Variants in FANCC observed in about 807,000 individuals in gnomAD.
The protein encoded by FANCC is Fanconi anemia group C protein.
In FANCC, 55 loss-of-function variants were observed where a neutral mutation model predicts 71.3. That is an observed-to-expected ratio of 0.77 (90% CI 0.62 to 0.97). The LOEUF (loss-of-function observed/expected upper bound fraction) is 0.97, where lower values mean the gene tolerates loss of function less well. FANCC is among the 50% of genes least tolerant of loss of function. The pLI is 0.00. For missense variants in FANCC, 678 were observed against 670.9 expected (o/e 1.01, Z -0.12); for synonymous variants, 275 against 244.9 (o/e 1.12, Z -1.15).
intron 4 of FANCC, among the ~76,000 whole-genome samples, chr9:95,206,344 G>A (rs1828120248): frequency 6.6e-6 from 1 of 152,174 alleles, no homozygotes; most frequent in Non-Finnish European, 1.5e-5. Context: ...GAAGCATGAT[G>A]ATTAAAGAGT....
intron 11 of FANCC, among the ~76,000 whole-genome samples, chr9:95,116,389 C>G (rs1158737957): frequency 6.6e-6 from 1 of 152,226 alleles, no homozygotes; most frequent in East Asian, 1.9e-4. Flanking sequence ...GGGGATCACC[C>G]TGGGCAAGAA....
intron 7 of FANCC, among the ~76,000 whole-genome samples, chr9:95,141,957 TA>T (rs1828765655): frequency 6.7e-6 from 1 of 149,736 alleles, no homozygotes; most frequent in Non-Finnish European, 1.5e-5. Flanking sequence ...TCAATAATGG[TA>T]ATAGTAATAT....
intron 4 of FANCC, among the ~76,000 whole-genome samples, chr9:95,182,164 T>C (rs904539322): frequency 1.3e-5 from 2 of 152,110 alleles, no homozygotes; most frequent in African/African-American, 4.8e-5. Context: ...CATTAAAGTC[T>C]TTTAGAATTT....
intron 4 of FANCC, among the ~76,000 whole-genome samples, chr9:95,231,971 G>C (rs1830036304): frequency 6.6e-6 from 1 of 152,172 alleles, no homozygotes. Context: ...GAGTAATGGA[G>C]GCAATGAATA....
intron 1 of FANCC, among the ~76,000 whole-genome samples, chr9:95,315,037 C>T (rs1588458826): frequency 6.6e-6 from 1 of 152,182 alleles, no homozygotes; most frequent in East Asian, 1.9e-4. Flanking sequence ...GGATAACTTA[C>T]ACTACTTAAT....
At chr9:95,309,606 T>C (rs1835262623) in intron 1 of FANCC, among the ~76,000 whole-genome samples, 3 of 152,222 alleles carry the variant, frequency 2.0e-5, no homozygotes, top group African/African-American at 7.2e-5. Flanking sequence ...TCTGCATACA[T>C]TGTAAATCAC....
intron 6 of FANCC, among the ~76,000 whole-genome samples, chr9:95,152,510 A>C (rs946029564): frequency 4.6e-5 from 7 of 152,216 alleles, no homozygotes; most frequent in Non-Finnish European, 8.8e-5. Context: ...CACCCAGTGA[A>C]CCGGGGAGGA....
intron 4 of FANCC, among the ~76,000 whole-genome samples, chr9:95,194,562 C>G (rs998104828): frequency 6.6e-6 from 1 of 152,162 alleles, no homozygotes; most frequent in Non-Finnish European, 1.5e-5. Flanking sequence ...TAGTGATAGC[C>G]CACTGTGGTT....
Position 95,247,438 on chromosome 9 carries a change from C to T in FANCC, c.244G>A (p.Ala82Thr). ...ACACGTTTTTGATTCTTACCATATGCTAAAATAAAAGGATTCCAACAAGCT... is the reference window on the plus strand; with the variant it reads ...ACACGTTTTTGATTCTTACCATATGTTAAAATAAAAGGATTCCAACAAGCT... ...AKACWNPFIL[A>T]YDESQKILIW... is the part of the protein sequence containing the mutation. Residue 82 changes from alanine to threonine, a missense_variant, in exon 3 of 15, where the codon GCA becomes ACA. Physicochemically the swap from Ala to Thr is moderately conservative, Grantham distance 58. Transcript: ENST00000289081. The T allele has an allele frequency of 1.9e-6, 3 of 1,611,828 alleles. No homozygotes were observed. Among genetic ancestry groups the T allele is most frequent in the Non-Finnish European group, 2.5e-6 (3 of 1,178,174 alleles).
chr9:95,126,876 A>C (rs568845584), intron 8 of FANCC: 1 of 382,550 alleles, frequency 2.6e-6, no homozygotes, highest in South Asian at 2.7e-5. Context: ...GTATTAGAGA[A>C]ACTTTAAACA....
chr9:95,213,376 A>C (rs1474191089), intron 4 of FANCC, among the ~76,000 whole-genome samples: 1 of 152,198 alleles, frequency 6.6e-6, no homozygotes, highest in Non-Finnish European at 1.5e-5. Flanking sequence ...ACTAAGCTAG[A>C]AGGCTCACAC....
At chr9:95,128,627 AGAGT>A (rs966567504) in intron 8 of FANCC, among the ~76,000 whole-genome samples, 2 of 152,236 alleles carry the variant, frequency 1.3e-5, no homozygotes, top group African/African-American at 2.4e-5. Context: ...TTGTTAGAAG[AGAGT>A]GAGAGCTTAG....
At chr9:95,285,511 A>G (rs356669) in intron 1 of FANCC, among the ~76,000 whole-genome samples, 25,068 of 152,218 alleles carry the variant, frequency 0.16, 2,241 homozygotes, top group East Asian at 0.28. Context: ...TAAATGAAAA[A>G]TAACACTACA....
chr9:95,271,533 G>A (rs1199950299), intron 1 of FANCC, among the ~76,000 whole-genome samples: 1 of 152,208 alleles, frequency 6.6e-6, no homozygotes, highest in Non-Finnish European at 1.5e-5. Context: ...GGTGTCCCCA[G>A]AGGGAATGTG....
intron 4 of FANCC, among the ~76,000 whole-genome samples, chr9:95,181,145 C>T (rs1826330991): frequency 8.0e-6 from 1 of 124,478 alleles, no homozygotes; most frequent in Non-Finnish European, 1.7e-5. Context: ...CATACACACA[C>T]ACACACGTAC....
Position 95,150,077 on chromosome 9 carries a change from C to T in FANCC, c.532G>A (p.Glu178Lys), listed in dbSNP as rs554302947. Reference sequence around the variant, plus strand: ...ACTCGTGACAGGGACGCCACTCGCTCGGGAGCCATTCTATGGAAGAAATAA... The same window carrying T: ...ACTCGTGACAGGGACGCCACTCGCTTGGGAGCCATTCTATGGAAGAAATAA... The part of the protein sequence containing the change: ...GFNTQRRMAP[E>K]RVASLSRVCV... The change falls in exon 7 of 15, where the codon GAG (glutamate) becomes AAG (lysine). Residue 178 changes from glutamate to lysine, a missense_variant. Physicochemically the swap from Glu to Lys is moderately conservative, Grantham distance 56. Transcript: ENST00000289081. The T allele has an allele frequency of 7.4e-6, 12 of 1,614,036 alleles. No individual in the cohort carries two copies. The highest frequency in any genetic ancestry group is 4.5e-5 in the East Asian group (2 of 44,866).
At chr9:95,285,304 A>T (rs192048068) in intron 1 of FANCC, among the ~76,000 whole-genome samples, 3 of 152,234 alleles carry the variant, frequency 2.0e-5, no homozygotes, top group African/African-American at 7.2e-5. Flanking sequence ...ACAAACTAAT[A>T]TCCAAAACAG....
At chr9:95,262,835 T>C (rs1832136531) in intron 1 of FANCC, among the ~76,000 whole-genome samples, 1 of 152,176 alleles carries the variant, frequency 6.6e-6, no homozygotes, top group Non-Finnish European at 1.5e-5. Flanking sequence ...GAAAACACCA[T>C]GCTAAGTGAA....
At chr9:95,118,173 C>T (rs1282693883) in intron 10 of FANCC, among the ~76,000 whole-genome samples, 2 of 152,272 alleles carry the variant, frequency 1.3e-5, no homozygotes, top group Non-Finnish European at 2.9e-5. Flanking sequence ...CACATGCCAC[C>T]ACACCTGGCT....
Sources: gnomAD v4.1 joint callset for allele counts (sites outside exome capture counted in the v4.1 genomes callset) on GRCh38, gnomAD v4.1.1 for gene constraint, MANE v1.5 for transcripts, NCBI Gene and HGNC (gene_info 2026-07-23, HGNC 2026-07-21) for gene names.